Variants in TTN observed in about 807,000 individuals in gnomAD.
TTN encodes the protein titin.
A neutral mutation model predicts 3,223.0 loss-of-function variants in TTN; 1,525 were observed. The observed-to-expected ratio is 0.47, with a 90% confidence interval of 0.45 to 0.49. The LOEUF (loss-of-function observed/expected upper bound fraction) is 0.49. Ranked by LOEUF, TTN falls within the 20% of genes least tolerant of loss-of-function variation. The pLI, the probability that TTN is intolerant of heterozygous loss-of-function variation, is 0.00. For missense variants in TTN, 40,786 were observed against 43,424.0 expected (o/e 0.94, Z 5.40); for synonymous variants, 14,094 against 15,161.0 (o/e 0.93, Z 5.17).
At chr2:178,681,610 C>T (rs1010095430) in intron 136 of TTN, 51 bp downstream of exon 136, 16 of 1,551,434 alleles carry the variant, frequency 1.0e-5, no homozygotes, top group Non-Finnish European at 1.3e-5. Flanking sequence ...GTAGGACAGA[C>T]ATGGAGGAAA....
Position 178,684,071 on chromosome 2 carries a change from G to A in TTN, c.32734C>T (p.Pro10912Ser), listed in dbSNP as rs1294242314. 1.2e-6 allele frequency: 2 copies of A among 1,610,854 alleles called. No homozygotes were observed. The highest frequency in any genetic ancestry group is 1.7e-6 in the Non-Finnish European group (2 of 1,178,794). ...APPKARVPEEPKRAVPEEKVL... is the reference protein window; with the variant it reads ...APPKARVPEESKRAVPEEKVL... The stretch of plus-strand genomic sequence containing the variant: ...TTTTCTTCTGGGACAGCTCTCTTCG[G>A]TTCCTCTGGCACTTTAAAGAGAGAT... The change falls in exon 133 of 363, where the codon CCG (proline) becomes TCG (serine). Residue 10912 changes from proline (P) to serine (S), a missense_variant. By Grantham distance (74) the Pro-to-Ser change is moderately conservative. Coordinates refer to ENST00000589042, the MANE Select transcript of TTN (RefSeq NM_001267550.2).
intron 54 of TTN, 37 bp from the exon 55 acceptor site, chr2:178,733,158 A>G (rs2080852604): frequency 1.9e-6 from 3 of 1,563,066 alleles, no homozygotes; most frequent in Non-Finnish European, 2.6e-6. Context: ...AGGTCAATAT[A>G]GAAGAGTGCT....
intron 88 of TTN, among the ~76,000 whole-genome samples, chr2:178,716,466 C>G (rs1401516854): frequency 3.3e-5 from 5 of 152,114 alleles, no homozygotes; most frequent in Non-Finnish European, 5.9e-5. Context: ...TACAAAAACC[C>G]TTAAAAATAC....
Position 178,695,338 on chromosome 2 carries a change from A to C in TTN, c.31270+10T>G. 2 of 1,606,988 alleles carry C rather than the reference A, an allele frequency of 1.2e-6. No homozygotes were observed. The highest frequency in any genetic ancestry group is 8.5e-7 in the Non-Finnish European group (1 of 1,174,600). ...TGCTCTAGTCTATTTAAATATTTCT[A>C]ATTACTTACCTTTAGGAGGTGGTGG... On this transcript the variant is annotated intron_variant, in intron 115 of 362. Coordinates refer to ENST00000589042, the MANE Select transcript of TTN (RefSeq NM_001267550.2).
chr2:178,580,608 A>C lies in TTN; in HGVS notation c.66771T>G (p.Ile22257Met). The change falls in exon 317 of 363, where the codon ATT becomes ATG. Residue 22257 changes from isoleucine to methionine, a missense_variant and splice_region_variant. Ile to Met is a conservative substitution (Grantham distance 10). Transcript: ENST00000589042. ...PDKHYPKDIL[I>M]PPEGELDADL... ...CCGCATCAAGTTCTCCCTCAGGTGG[A>C]ACTGTTTAATTTTGGGTGAAGAAGT... The C allele has an allele frequency of 6.2e-7, 1 of 1,601,874 alleles. No individual in the cohort carries two copies. Among genetic ancestry groups the C allele is most frequent in the Non-Finnish European group, 8.5e-7 (1 of 1,176,780 alleles).
intron 159 of TTN, 73 bp from the exon 160 acceptor site, chr2:178,667,794 A>C: frequency 9.3e-7 from 1 of 1,080,096 alleles, no homozygotes; most frequent in Non-Finnish European, 1.3e-6. Flanking sequence ...GAAAAATATA[A>C]TATATAATAC....
In TTN at chr2:178,564,574, A is replaced by G. The variant is rs56181243; in HGVS notation, c.81558T>C (p.Asn27186=). ...CAGGTTTCTTCCATTTCAGTGTGAC[A>G]TTGTTTCTTGTAATAACAATGGCTT... The part of the protein sequence containing the change: ...RPEAIVITRN[N]VTLKWKKPAY... Residue 27186 remains asparagine, a synonymous_variant, in exon 326 of 363, where the codon AAT becomes AAC. Coordinates refer to ENST00000589042, the MANE Select transcript of TTN (RefSeq NM_001267550.2). 6.7e-3 allele frequency: 10,848 copies of G among 1,613,474 alleles called. 64 individuals are homozygous for G. The highest frequency in any genetic ancestry group is 6.9e-3 in the Non-Finnish European group (8,101 of 1,179,702).
In TTN at chr2:178,584,851, A is replaced by T; in HGVS notation, c.64790T>A (p.Val21597Glu). Residue 21597 changes from valine to glutamate, a missense_variant, in exon 310 of 363, where the codon GTG (valine) becomes GAG (glutamate). Physicochemically the swap from Val to Glu is moderately radical, Grantham distance 121. Transcript: ENST00000589042. ...ACCTCGGCTTACATCACACTTCTCC[A>T]CTATATAATTGGTGATGTTACTGCC... ...DGGSNITNYI[V>E]EKCDVSRGDW... The T allele has an allele frequency of 6.2e-7, 1 of 1,613,266 alleles. No individual in the cohort carries two copies. The highest frequency in any genetic ancestry group is 8.5e-7 in the Non-Finnish European group (1 of 1,179,516).
rs760788961 is a variant in TTN, at chr2:178,689,808, T to C, written c.31846+5A>G. 8.1e-6 allele frequency: 13 copies of C among 1,605,454 alleles called. No individual in the cohort carries two copies. Among genetic ancestry groups the C allele is most frequent in the South Asian group, 6.8e-5 (6 of 88,696 alleles). ...GATAGGGCTTTACGTCGAAAGCCAC[T>C]GTACCTTTAGCTGGGGGAGCTTCCT... On this transcript the variant is annotated splice_donor_5th_base_variant and intron_variant, in intron 122 of 362. Coordinates refer to ENST00000589042, the MANE Select transcript of TTN (RefSeq NM_001267550.2).
At position 178,537,028 on chromosome 2, in the gene TTN, C is replaced by T; in HGVS notation, c.100081G>A (p.Gly33361Ser). 2 of 1,613,232 alleles carry T rather than the reference C, an allele frequency of 1.2e-6. No individual in the cohort carries two copies. Among genetic ancestry groups the T allele is most frequent in the Non-Finnish European group, 1.7e-6 (2 of 1,179,542 alleles). Reference sequence around the variant, plus strand: ...TGAGCTGAAACCCGGAAGTAATAGCCAGCATTTTCTGTGAGGTTCACAATT... The same window carrying T: ...TGAGCTGAAACCCGGAAGTAATAGCTAGCATTTTCTGTGAGGTTCACAATT... ...CRIVNLTENA[G>S]YYFRVSAQNT... Residue 33361 changes from glycine (G) to serine (S), a missense_variant, in exon 356 of 363, where the codon GGC becomes AGC. Coordinates refer to ENST00000589042, the MANE Select transcript of TTN (RefSeq NM_001267550.2).
chr2:178,669,400 C>A lies in TTN; in HGVS notation c.35518G>T (p.Val11840Phe), dbSNP rs868612798. 6.6e-7 allele frequency: 1 copy of A among 1,520,118 alleles called. No homozygotes were observed. Among genetic ancestry groups the A allele is most frequent in the South Asian group, 1.3e-5 (1 of 79,602 alleles). 94.2% of individuals were successfully genotyped at this position (1,520,118 alleles called of 1,614,324 possible). ...KSVQEEKSPI[V>F]ISEDTEMYIY... ...TACATCTCTGTGTCTTCAGAAATAA[C>A]AATAGGTGATTTTTCTTCTTGAACA... The change falls in exon 159 of 363, where the codon GTT becomes TTT. Residue 11840 changes from valine (V) to phenylalanine (F), a missense_variant. Coordinates refer to ENST00000589042, the MANE Select transcript of TTN (RefSeq NM_001267550.2).
intron 2 of TTN, among the ~76,000 whole-genome samples, chr2:178,803,497 A>G (rs2094165606): frequency 6.6e-6 from 1 of 151,910 alleles, no homozygotes; most frequent in South Asian, 2.1e-4. Context: ...ATTGGTCTAT[A>G]TATGTACAAT....
chr2:178,778,516 A>G, intron 24 of TTN: 1 of 335,230 alleles, frequency 3.0e-6, no homozygotes. Flanking sequence ...AATTAAGACA[A>G]TTTTCATAGA....
Position 178,577,749 on chromosome 2 carries a change from G to C in TTN, c.68677C>G (p.His22893Asp), listed in dbSNP as rs2046760541. Residue 22893 changes from histidine (H) to aspartate (D), a missense_variant, in exon 323 of 363, where the codon CAT becomes GAT. Coordinates refer to ENST00000589042, the MANE Select transcript of TTN (RefSeq NM_001267550.2). Reference protein sequence around the residue: ...LPSKSWMKANHVNVPECAFTV... With the variant: ...LPSKSWMKANDVNVPECAFTV... ...AAGGCACATTCTGGGACATTAACAT[G>C]GTTGGCTTTCATCCAAGACTTCGAA... 1.2e-6 allele frequency: 2 copies of C among 1,613,338 alleles called. No individual in the cohort carries two copies. Among genetic ancestry groups the C allele is most frequent in the Non-Finnish European group, 1.7e-6 (2 of 1,179,574 alleles).
rs2627038 is a variant in TTN at position 178,689,190 on chromosome 2, G to A, written c.32012-54C>T. ...TTTAATGTGATCTCATTGAAGCCCAGTGCAAAACAAAGAAATACACCCACA... is the reference window on the plus strand; with the variant it reads ...TTTAATGTGATCTCATTGAAGCCCAATGCAAAACAAAGAAATACACCCACA... On this transcript the variant is annotated intron_variant, in intron 124 of 362. Transcript: ENST00000589042. 0.098 allele frequency: 155,743 copies of A among 1,587,678 alleles called. 15,762 individuals carry two copies. The highest frequency in any genetic ancestry group is 0.47 in the African/African-American group (34,552 of 73,014).
In TTN at chr2:178,631,193, A is replaced by T; in HGVS notation, c.43855T>A (p.Phe14619Ile). Reference sequence around the variant, plus strand: ...GGCTTTATTTCCTTCCCATCCTTAAACCATTTCACTGGTGCATCTGCTTTG... The same window carrying T: ...GGCTTTATTTCCTTCCCATCCTTAATCCATTTCACTGGTGCATCTGCTTTG... ...ISKADAPVKW[F>I]KDGKEIKPSK... Residue 14619 changes from phenylalanine to isoleucine, a missense_variant, in exon 237 of 363, where the codon TTT becomes ATT. Phe to Ile is a conservative substitution (Grantham distance 21). Coordinates refer to ENST00000589042, the MANE Select transcript of TTN (RefSeq NM_001267550.2). 2 of 1,613,220 alleles carry T rather than the reference A, an allele frequency of 1.2e-6. No homozygotes were observed. The highest frequency in any genetic ancestry group is 1.7e-6 in the Non-Finnish European group (2 of 1,179,574).
intron 76 of TTN, 21 bp downstream of exon 76, chr2:178,722,638 T>C (rs779397403): frequency 8.8e-6 from 14 of 1,592,792 alleles, no homozygotes; most frequent in Middle Eastern, 1.7e-4. Flanking sequence ...AGAATTTTTT[T>C]AATTTGTAAA....
At chr2:178,706,994 C>A in intron 100 of TTN, 40 bp from the exon 101 acceptor site, 2 of 1,535,656 alleles carry the variant, frequency 1.3e-6, no homozygotes, top group East Asian at 2.3e-5. Context: ...ACAATCACCT[C>A]AGAATTACAA....
chr2:178,543,921 CTT>C lies in TTN; in HGVS notation c.96221_96222del (p.Lys32074SerfsTer2). The C allele has an allele frequency of 6.2e-7, 1 of 1,613,684 alleles. No individual in the cohort carries two copies. ...TESYSLLIVD[K>X]VNRYDAGKYT... Reference sequence around the variant, plus strand: ...TATTTTCCAGCATCGTACCGATTAACTTTGTCCACTATTAGCAATGAGTAGCT... The same window carrying C: ...TATTTTCCAGCATCGTACCGATTAACTGTCCACTATTAGCAATGAGTAGCT... On this transcript the variant is annotated frameshift_variant, in exon 346 of 363. Coordinates refer to ENST00000589042, the MANE Select transcript of TTN (RefSeq NM_001267550.2). LOFTEE classifies it high-confidence loss of function.
Sources: allele counts gnomAD v4.1 joint callset (sites outside exome capture counted in the v4.1 genomes callset), GRCh38; gene constraint gnomAD v4.1.1; transcripts MANE v1.5; gene names NCBI Gene and HGNC (gene_info 2026-07-23, HGNC 2026-07-21).